NRTN: variants seen among roughly 807,000 people sequenced by gnomAD.
NRTN encodes prepro-neurturin.
In NRTN, 3 loss-of-function variants were observed where a neutral mutation model predicts 7.5. That is an observed-to-expected ratio of 0.40 (90% CI 0.18 to 1.03). The LOEUF (loss-of-function observed/expected upper bound fraction) is 1.03, where lower values mean the gene tolerates loss of function less well. Among genes scored for constraint, NRTN ranks in the 50% least tolerant of loss-of-function variants. The probability of loss-of-function intolerance (pLI) is 0.34; values close to 1 mark genes in which losing one functional copy is unlikely to be tolerated. For synonymous variants in NRTN, 157 were observed against 146.6 expected, an observed-to-expected ratio of 1.07 and a Z score of -0.51; for missense variants, 310 against 307.0, an observed-to-expected ratio of 1.01 and a Z score of -0.07.
intron 1 of NRTN, among the ~76,000 whole-genome samples, chr19:5,810,177 G>C (rs185993362): frequency 1.3e-5 from 2 of 149,590 alleles, no homozygotes; most frequent in East Asian, 4.0e-4. Context: ...CGAGGCAGGA[G>C]AATGGCGTGA....
chr19:5,810,801 T>C (rs1456264548), intron 1 of NRTN, among the ~76,000 whole-genome samples: 2 of 151,664 alleles, frequency 1.3e-5, no homozygotes, highest in African/African-American at 2.4e-5. Context: ...TGGTGGCTCG[T>C]GCCTGTAATC....
At chr19:5,827,547 C>A (rs1042957635) in intron 2 of NRTN, among the ~76,000 whole-genome samples, 2 of 152,004 alleles carry the variant, frequency 1.3e-5, no homozygotes, top group Admixed American at 6.6e-5. Flanking sequence ...GTGTACGTGC[C>A]CCCCAGTGCC....
chr19:5,813,233 TA>T lies in NRTN; in HGVS notation c.-399+7793del, dbSNP rs924380255. ...CTATTAAAAAAAATTTTTTTTAATT[TA>T]AAAAAAAAAACAGATGGAGGCTGGG... On this transcript the variant is annotated intron_variant, in intron 1 of 2. Transcript: ENST00000303212. Among the ~76,000 whole-genome samples the T allele has an allele frequency of 2.6e-4, 38 of 147,918 alleles. 1 individual carries two copies. Among genetic ancestry groups the T allele is most frequent in the Admixed American group, 8.8e-4 (13 of 14,778 alleles).
At chr19:5,826,718 C>T (rs1445292570) in intron 2 of NRTN, among the ~76,000 whole-genome samples, 4 of 152,202 alleles carry the variant, frequency 2.6e-5, no homozygotes, top group Non-Finnish European at 5.9e-5. Flanking sequence ...GCCTGTCATT[C>T]CAGCGTCTGC....
chr19:5,828,118 A>G lies in NRTN; in HGVS notation c.539A>G (p.His180Arg). The change falls in exon 3 of 3, where the codon CAC becomes CGC. Residue 180 changes from histidine (H) to arginine (R), a missense_variant. By Grantham distance (29) the His-to-Arg change is conservative. Transcript: ENST00000303212. The stretch of plus-strand genomic sequence containing the variant: ...GACGAGGTGTCCTTCCTGGACGCGC[A>G]CAGCCGCTACCACACGGTGCACGAG... The part of the protein sequence containing the change: ...YEDEVSFLDA[H>R]SRYHTVHELS... 1.3e-6 allele frequency: 2 copies of G among 1,505,092 alleles called. No individual in the cohort carries two copies. Among genetic ancestry groups the G allele is most frequent in the South Asian group, 2.5e-5 (2 of 80,464 alleles). 93.2% of individuals were successfully genotyped at this position (1,505,092 alleles called of 1,614,324 possible).
At chr19:5,818,356 AGTGTGTGT>A (rs898364933) in intron 1 of NRTN, among the ~76,000 whole-genome samples, 36 of 149,848 alleles carry the variant, frequency 2.4e-4, no homozygotes, top group Admixed American at 1.5e-3. Context: ...TGAGTGTGTG[AGTGTGTGT>A]ATACGAGTAT....
At chr19:5,810,206 G>A (rs555148215) in intron 1 of NRTN, among the ~76,000 whole-genome samples, 2 of 149,172 alleles carry the variant, frequency 1.3e-5, no homozygotes, top group African/African-American at 5.0e-5. Context: ...GGCAGAGCTT[G>A]TAGTGAGCCG....
At chr19:5,814,400 C>T (rs1321262180) in intron 1 of NRTN, among the ~76,000 whole-genome samples, 2 of 152,130 alleles carry the variant, frequency 1.3e-5, no homozygotes, top group Non-Finnish European at 2.9e-5. Context: ...GCCCCAATTC[C>T]AGGCCTCCCC....
intron 1 of NRTN, among the ~76,000 whole-genome samples, chr19:5,814,432 A>C (rs2056999114): frequency 1.3e-5 from 2 of 152,188 alleles, no homozygotes; most frequent in South Asian, 4.1e-4. Context: ...AGATGCCTAC[A>C]TGGAGAGAGG....
intron 2 of NRTN, among the ~76,000 whole-genome samples, chr19:5,827,437 C>T (rs530417513): frequency 6.6e-6 from 1 of 152,158 alleles, no homozygotes; most frequent in African/African-American, 2.4e-5. Context: ...CAAGGTGAGA[C>T]GGGCTGGAAA....
chr19:5,815,500 C>T (rs1418865798), intron 1 of NRTN, among the ~76,000 whole-genome samples: 1 of 148,448 alleles, frequency 6.7e-6, no homozygotes, highest in Non-Finnish European at 1.5e-5. Flanking sequence ...GGCGCGATCT[C>T]GGCTCACTGC....
chr19:5,824,651 G>A (rs1260709626), intron 2 of NRTN, among the ~76,000 whole-genome samples: 3 of 152,126 alleles, frequency 2.0e-5, no homozygotes, highest in South Asian at 2.1e-4. Flanking sequence ...GTGTAGTGGC[G>A]CACGCCTGTA....
intron 1 of NRTN, among the ~76,000 whole-genome samples, chr19:5,821,278 G>A (rs1402688418): frequency 6.8e-6 from 1 of 148,062 alleles, no homozygotes; most frequent in Non-Finnish European, 1.5e-5. Flanking sequence ...CAGGATCTGG[G>A]CCACCCAGTG....
At position 5,809,724 on chromosome 19, in the gene NRTN, G is replaced by A. The variant is rs1484745927; in HGVS notation, c.-399+4273G>A. ...CGGGCACTCTGGGCTTTCTGCCACT[G>A]GGGCCTTTTACTGGCTGGATCTGCT... On this transcript the variant is annotated intron_variant, in intron 1 of 2. Coordinates refer to ENST00000303212, the MANE Select transcript of NRTN (RefSeq NM_004558.5). 6.6e-5 allele frequency among the ~76,000 whole-genome samples: 10 copies of A among 152,254 alleles called. No homozygotes were observed. In the East Asian group the frequency reaches 1.9e-3, roughly 29 times the overall value.
chr19:5,819,849 C>G (rs1158371307), intron 1 of NRTN, among the ~76,000 whole-genome samples: 1 of 146,762 alleles, frequency 6.8e-6, no homozygotes, highest in Non-Finnish European at 1.5e-5. Flanking sequence ...GATCCTGTCT[C>G]AAGAAAGAAA....
In NRTN at chr19:5,828,110, G is replaced by C; in HGVS notation, c.531G>C (p.Leu177=). 6.7e-7 allele frequency: 1 copy of C among 1,503,370 alleles called. No individual in the cohort carries two copies. Among genetic ancestry groups the C allele is most frequent in the Non-Finnish European group, 8.8e-7 (1 of 1,133,758 alleles). 93.1% of individuals were successfully genotyped at this position (1,503,370 alleles called of 1,614,324 possible). The part of the protein sequence containing the change: ...PTAYEDEVSF[L]DAHSRYHTVH... ...CCTACGAGGACGAGGTGTCCTTCCT[G>C]GACGCGCACAGCCGCTACCACACGG... The change falls in exon 3 of 3, where the codon CTG becomes CTC. Residue 177 remains leucine, a synonymous_variant. Coordinates refer to ENST00000303212, the MANE Select transcript of NRTN (RefSeq NM_004558.5).
intron 1 of NRTN, among the ~76,000 whole-genome samples, chr19:5,815,048 C>T (rs2057000719): frequency 6.6e-6 from 1 of 152,244 alleles, no homozygotes; most frequent in East Asian, 1.9e-4. Context: ...CCTGAGTCCC[C>T]CGGCCCCATC....
Position 5,823,939 on chromosome 19 carries a change from C to A in NRTN, c.-227C>A. The A allele has an allele frequency of 1.6e-6, 1 of 621,380 alleles. No individual in the cohort carries two copies. Among genetic ancestry groups the A allele is most frequent in the Non-Finnish European group, 2.8e-6 (1 of 350,880 alleles). 38.5% of individuals were successfully genotyped at this position (621,380 alleles called of 1,614,324 possible). A position where few individuals can be genotyped will look rare whatever the true frequency, so the allele number is the denominator to read the frequency against. On this transcript the variant is annotated 5_prime_UTR_variant, in exon 2 of 3. Coordinates refer to ENST00000303212, the MANE Select transcript of NRTN (RefSeq NM_004558.5). ...TCATCGGCTCCTCAGGAAGGCACTCCGGGACCCCCAGATGGGGGCGGTTCC... is the reference window on the plus strand; with the variant it reads ...TCATCGGCTCCTCAGGAAGGCACTCAGGGACCCCCAGATGGGGGCGGTTCC...
rs367638230 is a variant in NRTN at position 5,827,603 on chromosome 19, T to C, written c.170-146T>C. Reference sequence around the variant, plus strand: ...CAGCTCAGCAAGAGGGTGGGGAAATTTGGGACCTGGGAGTGAGACGAGAAG... The same window carrying C: ...CAGCTCAGCAAGAGGGTGGGGAAATCTGGGACCTGGGAGTGAGACGAGAAG... On this transcript the variant is annotated intron_variant, in intron 2 of 2. Coordinates refer to ENST00000303212, the MANE Select transcript of NRTN (RefSeq NM_004558.5). 16 of 274,942 alleles carry C rather than the reference T, an allele frequency of 5.8e-5. No individual in the cohort carries two copies. In the East Asian group the frequency reaches 1.1e-3, roughly 18 times the overall value. The allele number at this position is 274,942 out of a possible 1,614,324, so 17.0% of individuals were successfully genotyped here. A position where few individuals can be genotyped will look rare whatever the true frequency, so the allele number is the denominator to read the frequency against.
Sources: allele counts gnomAD v4.1 joint callset (sites outside exome capture counted in the v4.1 genomes callset), GRCh38; gene constraint gnomAD v4.1.1; transcripts MANE v1.5; gene names NCBI Gene and HGNC (gene_info 2026-07-23, HGNC 2026-07-21).